The following TDRD12 variants were observed in gnomAD, a reference collection of about 807,000 sequenced individuals.
TDRD12 encodes the protein putative ATP-dependent RNA helicase TDRD12.
TDRD12 carries 158 observed loss-of-function variants against 133.5 expected under a neutral mutation model. The ratio of observed to expected loss-of-function variants is 1.18; its 90% confidence interval spans 1.04 to 1.35. TDRD12 has a LOEUF of 1.35. TDRD12 is among the 40% of genes most tolerant of loss of function. The pLI, the probability that TDRD12 is intolerant of heterozygous loss-of-function variation, is 0.00. For missense variants in TDRD12, 1,443 were observed against 1,321.3 expected (o/e 1.09, Z -1.43); for synonymous variants, 460 against 477.9 (o/e 0.96, Z 0.49).
At chr19:32,815,331 C>G (rs1206294083) in intron 25 of TDRD12, 117 bp from the exon 26 acceptor site, 1 of 836,052 alleles carries the variant, frequency 1.2e-6, no homozygotes, top group South Asian at 1.8e-5. Flanking sequence ...TGGCAAGCGC[C>G]GAAGTGCAGC....
rs1971438583 is a variant in TDRD12, at chr19:32,802,803, T to C, written c.2331+14T>C. 2.6e-6 allele frequency: 4 copies of C among 1,536,662 alleles called. No individual in the cohort carries two copies. Among genetic ancestry groups the C allele is most frequent in the Non-Finnish European group, 3.5e-6 (4 of 1,146,972 alleles). ...CACGCTGAACAGGTTTGGTGAATTT[T>C]TATTCTCTTCCATATTCCACTGGCA... On this transcript the variant is annotated intron_variant, in intron 20 of 27. Transcript: ENST00000444215.
At chr19:32,797,517 A>G (rs537393626) in intron 14 of TDRD12, among the ~76,000 whole-genome samples, 4 of 152,348 alleles carry the variant, frequency 2.6e-5, no homozygotes, top group African/African-American at 4.8e-5. Context: ...AAATGAATGC[A>G]TACGTGTGAA....
At chr19:32,817,264 AC>A (rs1967211885) in intron 26 of TDRD12, among the ~76,000 whole-genome samples, 1 of 151,306 alleles carries the variant, frequency 6.6e-6, no homozygotes, top group African/African-American at 2.4e-5. Flanking sequence ...GAAACTCCAT[AC>A]TCCTTAAATA....
At chr19:32,784,283 G>T (rs1970846476) in intron 11 of TDRD12, among the ~76,000 whole-genome samples, 1 of 152,104 alleles carries the variant, frequency 6.6e-6, no homozygotes, top group Non-Finnish European at 1.5e-5. Context: ...TTTATGTGAT[G>T]GATTACATTT....
intron 1 of TDRD12, among the ~76,000 whole-genome samples, chr19:32,729,701 T>A (rs941392634): frequency 6.6e-6 from 1 of 151,488 alleles, no homozygotes; most frequent in African/African-American, 2.4e-5. Context: ...TTATAATAGC[T>A]GTTTTTAAGT....
chr19:32,756,058 A>G (rs1432949151), exon 7 of TDRD12: 1 of 1,482,882 alleles, frequency 6.7e-7, no homozygotes, highest in African/African-American at 1.5e-5. Context: ...AAAGAATAAA[A>G]ACCTTGATTA....
chr19:32,829,237 A>G (rs1359918984), exon 10 of TDRD12: 1 of 152,236 alleles, frequency 6.6e-6, no homozygotes, highest in African/African-American at 2.4e-5. Context: ...TCTTTCATAC[A>G]GCACAGCAAA....
At chr19:32,781,481 G>A (rs753059676) in intron 11 of TDRD12, among the ~76,000 whole-genome samples, 1 of 152,010 alleles carries the variant, frequency 6.6e-6, no homozygotes, top group South Asian at 2.1e-4. Context: ...CCTTGTTTTG[G>A]TGGAGAGCAT....
Position 32,773,442 on chromosome 19 carries a change from G to T in TDRD12, c.964-14G>T, listed in dbSNP as rs12608647. The T allele has an allele frequency of 0.54, 835,619 of 1,549,208 alleles. 229,850 individuals carry two copies. Among genetic ancestry groups the T allele is most frequent in the East Asian group, 0.86 (34,989 of 40,894 alleles). On this transcript the variant is annotated splice_polypyrimidine_tract_variant and intron_variant, in intron 9 of 27. Transcript: ENST00000444215. The stretch of plus-strand genomic sequence containing the variant: ...GCATACACATTCTTTCTGAAGAAAA[G>T]TTTTCTTTTACAGCGTGTTGAATCC...
intron 26 of TDRD12, among the ~76,000 whole-genome samples, chr19:32,817,388 G>A (rs1163938371): frequency 6.6e-6 from 1 of 151,962 alleles, no homozygotes; most frequent in East Asian, 1.9e-4. Context: ...TTTGTGCCTG[G>A]CTCGTCTCAG....
chr19:32,801,149 G>A lies in TDRD12; in HGVS notation c.2079+377G>A, dbSNP rs183339398. On this transcript the variant is annotated intron_variant, in intron 18 of 27. Coordinates refer to ENST00000444215, the Ensembl canonical transcript of TDRD12. ...GGGAGGCCAAGGTAGGAAGATTGCT[G>A]GAAGCCAGGAGTTCAAGACCAGCCT... 6.4e-3 allele frequency among the ~76,000 whole-genome samples: 976 copies of A among 151,456 alleles called. 8 individuals are homozygous for A. The highest frequency in any genetic ancestry group is 0.019 in the African/African-American group (792 of 41,256).
intron 11 of TDRD12, among the ~76,000 whole-genome samples, chr19:32,782,649 G>A (rs1156384405): frequency 6.6e-6 from 1 of 152,118 alleles, no homozygotes; most frequent in Non-Finnish European, 1.5e-5. Context: ...ACTTTTTAAT[G>A]ATCGCCATTC....
At chr19:32,818,329 A>G (rs1361350392) in intron 27 of TDRD12, among the ~76,000 whole-genome samples, 172 bp downstream of exon 27, 1 of 152,170 alleles carries the variant, frequency 6.6e-6, no homozygotes, top group Non-Finnish European at 1.5e-5. Context: ...CAGAACACAG[A>G]GACCCGGAGG....
intron 3 of TDRD12, 33 bp from the exon 4 acceptor site, chr19:32,742,748 A>G (rs1969469506): frequency 3.2e-6 from 5 of 1,543,964 alleles, no homozygotes; most frequent in African/African-American, 1.4e-5. Flanking sequence ...ATAATTTTCT[A>G]TATAATGGAG....
chr19:32,824,745 C>A (rs999758926), downstream of TDRD12, among the ~76,000 whole-genome samples: 1 of 152,116 alleles, frequency 6.6e-6, no homozygotes, highest in Non-Finnish European at 1.5e-5. Flanking sequence ...CCCCACCCCC[C>A]GCCGCCCTTT....
intron 8 of TDRD12, among the ~76,000 whole-genome samples, chr19:32,761,875 G>A (rs930642013): frequency 4.0e-5 from 6 of 151,896 alleles, no homozygotes; most frequent in Non-Finnish European, 8.8e-5. Context: ...TAGTAGAGAC[G>A]GGGTTTCACC....
chr19:32,810,471 G>A (rs61438103), intron 23 of TDRD12, among the ~76,000 whole-genome samples, 194 bp downstream of exon 23: 9,771 of 152,248 alleles, frequency 0.064, 537 homozygotes, highest in East Asian at 0.24. Flanking sequence ...CAGTGACACC[G>A]TGACCCATTG....
rs139940996 is a variant in TDRD12, at chr19:32,807,264, T to C, written c.2553-285T>C. On this transcript the variant is annotated intron_variant, in intron 21 of 27. Transcript: ENST00000444215. ...GCTGGGCAACAGAGTGAGACCAAAC[T>C]CTTAAAAAAAAAAAAAAAAAAAAAA... is the stretch of plus-strand genomic sequence containing the variant. Among the ~76,000 whole-genome samples the C allele has an allele frequency of 1.0e-2, 550 of 55,142 alleles. 3 individuals carry two copies. The highest frequency in any genetic ancestry group is 0.068 in the Middle Eastern group (6 of 88). 36.2% of individuals were successfully genotyped at this position (55,142 alleles called of 152,430 possible). A position where few individuals can be genotyped will look rare whatever the true frequency, so the allele number is the denominator to read the frequency against.
chr19:32,759,793 G>A (rs925437242), intron 8 of TDRD12, among the ~76,000 whole-genome samples: 1 of 152,136 alleles, frequency 6.6e-6, no homozygotes, highest in African/African-American at 2.4e-5. Context: ...CCGGTATAAT[G>A]TGTTTAAGGA....
Sources: gnomAD v4.1 joint callset for allele counts (sites outside exome capture counted in the v4.1 genomes callset) on GRCh38, gnomAD v4.1.1 for gene constraint, MANE v1.5 for transcripts, NCBI Gene and HGNC (gene_info 2026-07-23, HGNC 2026-07-21) for gene names.